DLGAP2: variants seen among roughly 807,000 people sequenced by gnomAD.
DLGAP2 encodes DLG associated protein 2, also known as disks large-associated protein 2.
A neutral mutation model predicts 100.3 loss-of-function variants in DLGAP2; 26 were observed. The ratio of observed to expected loss-of-function variants is 0.26; its 90% CI spans 0.19 to 0.36. The LOEUF is 0.36. DLGAP2 is among the 10% of genes least tolerant of loss of function. The probability of loss-of-function intolerance (pLI) is 1.00; values close to 1 mark genes in which losing one functional copy is unlikely to be tolerated. For synonymous variants in DLGAP2, 886 were observed against 630.1 expected (o/e 1.41, Z -6.08); for missense variants, 1,858 against 1,453.2 (o/e 1.28, Z -4.53).
intron 1 of DLGAP2, among the ~76,000 whole-genome samples, chr8:770,356 C>G (rs1223701339): frequency 6.6e-6 from 1 of 152,120 alleles, no homozygotes; most frequent in Non-Finnish European, 1.5e-5. Context: ...GCACAGTGCC[C>G]TTCTGGGTTA....
chr8:1,344,313 C>G (rs573078573), intron 3 of DLGAP2, among the ~76,000 whole-genome samples: 2 of 152,266 alleles, frequency 1.3e-5, no homozygotes, highest in South Asian at 2.1e-4. Flanking sequence ...GTGCAGACAA[C>G]AGCCTTCAGG....
intron 8 of DLGAP2, among the ~76,000 whole-genome samples, chr8:1,647,346 A>G (rs767635455): frequency 1.5e-4 from 23 of 151,754 alleles, no homozygotes; most frequent in Non-Finnish European, 2.8e-4. Flanking sequence ...AAAATTAGCC[A>G]GGCGTCGTGG....
At chr8:856,418 C>T (rs915034563) in intron 1 of DLGAP2, among the ~76,000 whole-genome samples, 8 of 152,160 alleles carry the variant, frequency 5.3e-5, no homozygotes, top group East Asian at 1.9e-4. Context: ...AAACTGCTGA[C>T]CTGAGGTGAT....
At chr8:1,547,834 C>G (rs567358166) in intron 4 of DLGAP2, among the ~76,000 whole-genome samples, 1 of 152,160 alleles carries the variant, frequency 6.6e-6, no homozygotes, top group African/African-American at 2.4e-5. Flanking sequence ...GATGGGACCT[C>G]GAGAAAGCTC....
At chr8:1,312,257 A>G (rs1471635075) in intron 3 of DLGAP2, among the ~76,000 whole-genome samples, 2 of 152,352 alleles carry the variant, frequency 1.3e-5, no homozygotes, top group African/African-American at 4.8e-5. Flanking sequence ...CATCAGAGGG[A>G]ACCCAGGTGA....
Position 1,518,783 on chromosome 8 carries a change from G to T in DLGAP2, c.172+17352G>T, listed in dbSNP as rs145403475. On this transcript the variant is annotated intron_variant, in intron 4 of 14. Transcript: ENST00000637795. ...ATTCTGCAAACCATATCGAACCCAT[G>T]TTAGATATTTGCATTCTAGTCACTG... Among the ~76,000 whole-genome samples, 99 of 152,282 alleles carry T rather than the reference G, an allele frequency of 6.5e-4. 1 individual carries two copies. The Middle Eastern group carries it at 0.01, about 16-fold the overall frequency.
chr8:1,552,182 A>C (rs1801791360), intron 5 of DLGAP2, among the ~76,000 whole-genome samples: 1 of 152,220 alleles, frequency 6.6e-6, no homozygotes, highest in African/African-American at 2.4e-5. Flanking sequence ...ACATCCTCGG[A>C]AACAACACAG....
intron 3 of DLGAP2, among the ~76,000 whole-genome samples, chr8:1,445,964 T>G (rs1160077118): frequency 6.6e-6 from 1 of 152,234 alleles, no homozygotes; most frequent in East Asian, 1.9e-4. Context: ...TAAATTTGTT[T>G]GAGTTCATTG....
chr8:1,460,979 C>G (rs79879663), intron 3 of DLGAP2, among the ~76,000 whole-genome samples: 23,180 of 152,206 alleles, frequency 0.15, 1,997 homozygotes, highest in South Asian at 0.27. Context: ...AAAGCCTGGC[C>G]TGGGTTTCTG....
intron 2 of DLGAP2, among the ~76,000 whole-genome samples, chr8:921,539 A>T (rs1170972281): frequency 6.6e-6 from 1 of 152,214 alleles, no homozygotes; most frequent in Non-Finnish European, 1.5e-5. Context: ...CCGGAACGGG[A>T]GGAGACCTCC....
At chr8:940,102 C>T (rs1199851520) in intron 2 of DLGAP2, among the ~76,000 whole-genome samples, 8 of 152,030 alleles carry the variant, frequency 5.3e-5, no homozygotes, top group African/African-American at 1.9e-4. Context: ...GGCCACAGAG[C>T]TGTGGAAAGA....
chr8:1,387,218 G>T (rs1162280266), intron 3 of DLGAP2, among the ~76,000 whole-genome samples: 2 of 152,242 alleles, frequency 1.3e-5, no homozygotes, highest in African/African-American at 4.8e-5. Context: ...TCTTCATGCA[G>T]AGGGTGGAGA....
At chr8:1,291,275 C>T (rs1296122971) in intron 3 of DLGAP2, among the ~76,000 whole-genome samples, 2 of 152,094 alleles carry the variant, frequency 1.3e-5, no homozygotes, top group African/African-American at 2.4e-5. Context: ...TTCAAGAGAA[C>T]TCTGCTAACA....
At chr8:1,126,436 GC>G (rs986596105) in intron 2 of DLGAP2, among the ~76,000 whole-genome samples, 4 of 151,972 alleles carry the variant, frequency 2.6e-5, no homozygotes, top group African/African-American at 9.7e-5. Flanking sequence ...GAGGAGGGAG[GC>G]AGGGGAGAGA....
chr8:1,601,524 A>G (rs978999691), intron 6 of DLGAP2, among the ~76,000 whole-genome samples: 3 of 152,244 alleles, frequency 2.0e-5, no homozygotes, highest in Admixed American at 6.5e-5. Flanking sequence ...AGTTTTATCT[A>G]TAAGCCCTGA....
chr8:1,510,326 G>A (rs1029843128), intron 4 of DLGAP2, among the ~76,000 whole-genome samples: 18 of 152,332 alleles, frequency 1.2e-4, no homozygotes, highest in Admixed American at 3.9e-4. Context: ...GTCCGCTGTC[G>A]GGACCTTGCC....
intron 10 of DLGAP2, among the ~76,000 whole-genome samples, chr8:1,675,592 CA>C (rs1798793313): frequency 6.6e-6 from 1 of 152,328 alleles, no homozygotes; most frequent in Admixed American, 6.5e-5. Flanking sequence ...TCTTGCCTCA[CA>C]GGGGACAGGG....
chr8:1,115,374 G>A (rs761366771), intron 2 of DLGAP2, among the ~76,000 whole-genome samples: 9 of 152,154 alleles, frequency 5.9e-5, no homozygotes, highest in Non-Finnish European at 8.8e-5. Context: ...GTGCTCCTGT[G>A]TTGGATGCAT....
intron 3 of DLGAP2, among the ~76,000 whole-genome samples, chr8:1,326,593 C>T (rs535900434): frequency 2.0e-5 from 3 of 151,456 alleles, no homozygotes; most frequent in African/African-American, 2.4e-5. Flanking sequence ...ACTCAGGACA[C>T]GGCGCGTGCT....
Sources: allele counts gnomAD v4.1 joint callset (sites outside exome capture counted in the v4.1 genomes callset), GRCh38; gene constraint gnomAD v4.1.1; transcripts MANE v1.5; gene names NCBI Gene and HGNC (gene_info 2026-07-23, HGNC 2026-07-21).